The following BMPER variants were observed in gnomAD, a reference collection of about 807,000 sequenced individuals.
The protein encoded by BMPER is BMP binding endothelial regulator.
In BMPER, 45 loss-of-function variants were observed where a neutral mutation model predicts 87.3. The observed-to-expected ratio is 0.52, with a 90% CI of 0.41 to 0.66. BMPER has a LOEUF of 0.66. Among genes scored for constraint, BMPER ranks in the 30% least tolerant of loss-of-function variants. The pLI is 0.00. For synonymous variants in BMPER, 326 were observed against 316.2 expected (o/e 1.03, Z -0.33); for missense variants, 784 against 867.5 (o/e 0.90, Z 1.21).
At chr7:33,971,232 G>A (rs1785537747) in intron 5 of BMPER, among the ~76,000 whole-genome samples, 1 of 151,968 alleles carries the variant, frequency 6.6e-6, no homozygotes, top group Admixed American at 6.6e-5. Context: ...CTGTGAAGTG[G>A]CTAAGTCACC....
chr7:34,024,384 A>AATATATATATATATATAT (rs200214350), intron 6 of BMPER, among the ~76,000 whole-genome samples: 1 of 23,428 alleles, frequency 4.3e-5, no homozygotes, highest in Non-Finnish European at 6.8e-5. Flanking sequence ...AAAAAAAAAC[A>AATATATATATATATATAT]ATATATATAT....
chr7:34,031,121 T>C (rs530750472), intron 6 of BMPER, among the ~76,000 whole-genome samples: 1 of 152,226 alleles, frequency 6.6e-6, no homozygotes, highest in African/African-American at 2.4e-5. Context: ...TCATCCTTCC[T>C]TCTAGACCTC....
chr7:33,906,994 T>C (rs952121638), intron 2 of BMPER, 91 bp downstream of exon 2: 7 of 1,245,034 alleles, frequency 5.6e-6, no homozygotes, highest in Middle Eastern at 1.8e-4. Context: ...ATCTTACAAA[T>C]TGTCTTTATC....
chr7:33,942,064 T>C (rs1366148200), intron 3 of BMPER, among the ~76,000 whole-genome samples: 1 of 151,966 alleles, frequency 6.6e-6, no homozygotes, highest in Non-Finnish European at 1.5e-5. Context: ...TCAGCAAGCA[T>C]ATGGGAAGGT....
chr7:33,945,852 T>C (rs561685103), intron 3 of BMPER, among the ~76,000 whole-genome samples: 2 of 152,172 alleles, frequency 1.3e-5, no homozygotes, highest in East Asian at 3.9e-4. Flanking sequence ...GTTCAGTCAT[T>C]CATCTGCCAA....
chr7:34,065,129 A>G (rs1348153939), intron 11 of BMPER, among the ~76,000 whole-genome samples: 1 of 152,124 alleles, frequency 6.6e-6, no homozygotes, highest in East Asian at 1.9e-4. Flanking sequence ...AGCCAGAAAA[A>G]CAACTAATTT....
At chr7:33,976,297 T>G (rs1785686009) in intron 6 of BMPER, among the ~76,000 whole-genome samples, 1 of 151,962 alleles carries the variant, frequency 6.6e-6, no homozygotes. Flanking sequence ...GGATTACAGG[T>G]GTGCGCCACC....
chr7:34,044,732 C>T (rs986337104), intron 6 of BMPER, among the ~76,000 whole-genome samples: 17 of 151,994 alleles, frequency 1.1e-4, no homozygotes, highest in Admixed American at 6.6e-5. Flanking sequence ...CTGGTATTTT[C>T]GCATGTTCTC....
At chr7:34,057,994 C>T (rs1483006845) in intron 9 of BMPER, 65 bp from the exon 10 acceptor site, 2 of 1,422,792 alleles carry the variant, frequency 1.4e-6, no homozygotes, top group African/African-American at 1.4e-5. Flanking sequence ...GGAGAGGTTA[C>T]AGTCTGTTGC....
chr7:33,919,989 T>C (rs535025981), intron 2 of BMPER, among the ~76,000 whole-genome samples: 1 of 151,394 alleles, frequency 6.6e-6, no homozygotes, highest in Non-Finnish European at 1.5e-5. Flanking sequence ...ATGGTTTTAG[T>C]TTGGAAACTA....
At chr7:33,970,243 C>A in intron 4 of BMPER, 86 bp from the exon 5 acceptor site, 1 of 1,354,832 alleles carries the variant, frequency 7.4e-7, no homozygotes, top group Non-Finnish European at 1.1e-6. Context: ...TGTGCTTGAG[C>A]ACTTCTCCTA....
chr7:34,035,385 A>G (rs868614172), intron 6 of BMPER, among the ~76,000 whole-genome samples: 1 of 152,240 alleles, frequency 6.6e-6, no homozygotes, highest in Non-Finnish European at 1.5e-5. Context: ...ACTCAAATGT[A>G]TATTGAAAGG....
At chr7:34,075,440 A>G (rs1470471310) in intron 11 of BMPER, among the ~76,000 whole-genome samples, 1 of 152,176 alleles carries the variant, frequency 6.6e-6, no homozygotes, top group Non-Finnish European at 1.5e-5. Flanking sequence ...CTGGTTTTGT[A>G]CACTTCTGAT....
At chr7:33,994,482 C>G (rs868146593) in intron 6 of BMPER, among the ~76,000 whole-genome samples, 1 of 152,134 alleles carries the variant, frequency 6.6e-6, no homozygotes, top group Non-Finnish European at 1.5e-5. Context: ...CTTTGGCTCG[C>G]GCATGGTGCG....
intron 3 of BMPER, among the ~76,000 whole-genome samples, chr7:33,964,009 A>G (rs921781955): frequency 2.6e-5 from 4 of 152,210 alleles, no homozygotes; most frequent in Non-Finnish European, 5.9e-5. Context: ...GTTGGTGGCA[A>G]ATAGAATTAA....
At chr7:34,143,164 G>T (rs1790916576) in intron 13 of BMPER, 66 bp from the exon 14 acceptor site, 1 of 1,603,278 alleles carries the variant, frequency 6.2e-7, no homozygotes, top group African/African-American at 1.3e-5. Flanking sequence ...CCTTTCTGAA[G>T]TTATATTTAG....
At chr7:33,936,222 G>A (rs943983825) in intron 2 of BMPER, among the ~76,000 whole-genome samples, 3 of 152,208 alleles carry the variant, frequency 2.0e-5, no homozygotes, top group Non-Finnish European at 4.4e-5. Context: ...CATATGCCAA[G>A]AGAGTTCTAG....
chr7:34,129,889 C>A (rs78725914), intron 13 of BMPER, among the ~76,000 whole-genome samples: 2 of 152,262 alleles, frequency 1.3e-5, no homozygotes, highest in Non-Finnish European at 2.9e-5. Flanking sequence ...TGGATTAGCA[C>A]CTTGGTCTTC....
intron 6 of BMPER, among the ~76,000 whole-genome samples, chr7:33,990,650 A>G (rs1254282926): frequency 1.3e-5 from 2 of 151,134 alleles, no homozygotes; most frequent in Non-Finnish European, 2.9e-5. Context: ...TTCCAAAACT[A>G]TGTTGAATAG....
Sources: gnomAD v4.1 joint callset for allele counts (sites outside exome capture counted in the v4.1 genomes callset) on GRCh38, gnomAD v4.1.1 for gene constraint, MANE v1.5 for transcripts, NCBI Gene and HGNC (gene_info 2026-07-23, HGNC 2026-07-21) for gene names.